The following ZDHHC11 variants were observed in gnomAD, a reference collection of about 807,000 sequenced individuals.
ZDHHC11 encodes palmitoyltransferase ZDHHC11.
A neutral mutation model predicts 51.3 loss-of-function variants in ZDHHC11; 44 were observed. The observed-to-expected ratio is 0.86, with a 90% confidence interval of 0.67 to 1.10. ZDHHC11 has a LOEUF of 1.10. ZDHHC11 is among the 50% of genes least tolerant of loss of function. ZDHHC11 has a pLI of 0.00. For synonymous variants in ZDHHC11, 163 were observed against 222.0 expected (o/e 0.73, Z 2.36); for missense variants, 400 against 537.7 (o/e 0.74, Z 2.53).
chr5:813,430 C>T (rs626763), intron 11 of ZDHHC11, among the ~76,000 whole-genome samples: 22,111 of 134,030 alleles, frequency 0.16, 3,298 homozygotes, highest in African/African-American at 0.44. Context: ...AGGGGGAGAC[C>T]GGGAGGCATG....
At position 850,648 on chromosome 5, in the gene ZDHHC11, G is replaced by A. The variant is rs1395589172; in HGVS notation, c.-46C>T. ...GGACCTGCGCCGTCAGATCCTGGGA[G>A]GGCCGGCCCCGCCCACTGTCACAGA... On this transcript the variant is annotated 5_prime_UTR_variant, in exon 1 of 13. Transcript: ENST00000283441. 2 of 1,595,306 alleles carry A rather than the reference G, an allele frequency of 1.3e-6. No homozygotes were observed. The highest frequency in any genetic ancestry group is 1.1e-5 in the South Asian group (1 of 90,154).
At chr5:829,893 G>T (rs1742857752) in intron 7 of ZDHHC11, among the ~76,000 whole-genome samples, 1 of 151,112 alleles carries the variant, frequency 6.6e-6, no homozygotes, top group Non-Finnish European at 1.5e-5. Flanking sequence ...CAAAAAATCA[G>T]AGATCTCAAT....
intron 11 of ZDHHC11, among the ~76,000 whole-genome samples, chr5:809,990 G>A (rs1441009462): frequency 1.5e-4 from 4 of 25,964 alleles, no homozygotes; most frequent in Admixed American, 9.4e-4. Context: ...TCTAGGAAGC[G>A]CGGGAGGAAG....
chr5:806,712 G>A (rs1191537239), intron 11 of ZDHHC11, among the ~76,000 whole-genome samples: 1 of 151,228 alleles, frequency 6.6e-6, no homozygotes, highest in African/African-American at 2.4e-5. Flanking sequence ...GTGGAAAAAT[G>A]GACTAGGGAC....
intron 5 of ZDHHC11, among the ~76,000 whole-genome samples, chr5:838,202 A>T (rs1313805617): frequency 3.3e-5 from 5 of 152,038 alleles, no homozygotes; most frequent in Admixed American, 6.5e-5. Context: ...AGCCCTACCC[A>T]CCTGGCCTGT....
chr5:838,579 C>G (rs1265437797), intron 5 of ZDHHC11, among the ~76,000 whole-genome samples: 3 of 152,136 alleles, frequency 2.0e-5, no homozygotes, highest in Non-Finnish European at 2.9e-5. Flanking sequence ...CCTGGAGTCA[C>G]TGCCCAGGGA....
intron 10 of ZDHHC11, chr5:816,944 T>A (rs1740880045): frequency 2.9e-6 from 1 of 347,202 alleles, no homozygotes; most frequent in Non-Finnish European, 5.8e-6. Context: ...CATGGATGCA[T>A]GAGCCTGAAA....
At position 840,622 on chromosome 5, in the gene ZDHHC11, C is replaced by G; in HGVS notation, c.657G>C (p.Leu219=). 6.2e-7 allele frequency: 1 copy of G among 1,613,868 alleles called. No individual in the cohort carries two copies. Among genetic ancestry groups the G allele is most frequent in the Non-Finnish European group, 8.5e-7 (1 of 1,179,878 alleles). ...EDVKNMNTWL[L]FLPLFPVQVQ... The stretch of plus-strand genomic sequence containing the variant: ...CCTGCACCGGGAACAGGGGGAGGAA[C>G]AGCAGCCACGTGTTCATATTCTTGA... Residue 219 remains leucine (L), a synonymous_variant, in exon 5 of 13, where the codon CTG becomes CTC. Transcript: ENST00000283441.
intron 1 of ZDHHC11, among the ~76,000 whole-genome samples, chr5:856,002 G>A (rs1414498467): frequency 6.6e-6 from 1 of 151,716 alleles, no homozygotes; most frequent in Non-Finnish European, 1.5e-5. Flanking sequence ...CAAGCAAGGG[G>A]CATGGACCCC....
chr5:852,295 T>C (rs1009668015), upstream of ZDHHC11, among the ~76,000 whole-genome samples: 3 of 152,202 alleles, frequency 2.0e-5, no homozygotes, highest in African/African-American at 7.2e-5. Flanking sequence ...GCCTTGAGCC[T>C]TGAGCCTGGA....
chr5:807,412 C>T (rs1353130241), intron 11 of ZDHHC11, among the ~76,000 whole-genome samples: 8 of 151,310 alleles, frequency 5.3e-5, no homozygotes, highest in Non-Finnish European at 1.0e-4. Flanking sequence ...ATAGGGGCCC[C>T]GTCTCAACAG....
chr5:849,007 C>T lies in ZDHHC11; in HGVS notation c.223-347G>A, dbSNP rs557539680. Among the ~76,000 whole-genome samples, 7 of 152,098 alleles carry T rather than the reference C, an allele frequency of 4.6e-5. No individual in the cohort carries two copies. The East Asian group carries it at 7.7e-4, about 17-fold the overall frequency. The stretch of plus-strand genomic sequence containing the variant: ...CCGGCCCTGCTCACATGGCCCTGCT[C>T]ATCCAGTCTTGCACACACGGCCCTA... On this transcript the variant is annotated intron_variant, in intron 1 of 12. Transcript: ENST00000283441.
chr5:806,125 G>C (rs1739227104), intron 11 of ZDHHC11, among the ~76,000 whole-genome samples: 1 of 151,178 alleles, frequency 6.6e-6, no homozygotes, highest in African/African-American at 2.4e-5. Flanking sequence ...TTTCGTGGGA[G>C]AGAGGGAGTA....
chr5:855,383 G>C (rs1298945678), upstream of ZDHHC11, among the ~76,000 whole-genome samples: 5 of 147,332 alleles, frequency 3.4e-5, no homozygotes. Flanking sequence ...GAGCCGGGGA[G>C]ACAGACCCCA....
intron 10 of ZDHHC11, among the ~76,000 whole-genome samples, chr5:818,576 C>A (rs1741140426): frequency 6.6e-6 from 1 of 151,694 alleles, no homozygotes; most frequent in African/African-American, 2.4e-5. Context: ...GATTCCCCCA[C>A]AGCCTAGTAC....
chr5:797,698 T>C (rs1322207431), intron 12 of ZDHHC11, among the ~76,000 whole-genome samples: 2 of 151,678 alleles, frequency 1.3e-5, no homozygotes, highest in Non-Finnish European at 2.9e-5. Context: ...TGTGTTTTCT[T>C]CATGTTTTGG....
At chr5:804,513 A>T (rs938408684) in intron 11 of ZDHHC11, among the ~76,000 whole-genome samples, 1 of 148,524 alleles carries the variant, frequency 6.7e-6, no homozygotes, top group Non-Finnish European at 1.5e-5. Flanking sequence ...AACGAATTCC[A>T]AGCAGGCTAT....
intron 8 of ZDHHC11, chr5:823,328 G>A (rs1270853100): frequency 2.7e-5 from 4 of 150,636 alleles, no homozygotes; most frequent in African/African-American, 7.3e-5. Context: ...TTTGGCATGT[G>A]GTTATGCAGC....
At chr5:814,933 T>A in intron 10 of ZDHHC11, 138 bp from the exon 11 acceptor site, 3 of 899,070 alleles carry the variant, frequency 3.3e-6, no homozygotes, top group Non-Finnish European at 3.1e-6. Flanking sequence ...TGGAATAGGA[T>A]CTCAGTGGTG....
Sources: gnomAD v4.1 joint callset for allele counts (sites outside exome capture counted in the v4.1 genomes callset) on GRCh38, gnomAD v4.1.1 for gene constraint, MANE v1.5 for transcripts, NCBI Gene and HGNC (gene_info 2026-07-23, HGNC 2026-07-21) for gene names.